The following CFAP61 variants were observed in gnomAD, a reference collection of about 807,000 sequenced individuals.
CFAP61 encodes cilia- and flagella-associated protein 61.
Under a neutral mutation model 135.6 loss-of-function variants are expected in CFAP61, and 107 were observed. The observed-to-expected ratio is 0.79, with a 90% CI of 0.67 to 0.93. CFAP61 has a LOEUF of 0.93. CFAP61 is among the 40% of genes least tolerant of loss of function. CFAP61 has a pLI of 0.00. For missense variants in CFAP61, 1,507 were observed against 1,556.2 expected, an observed-to-expected ratio of 0.97 and a Z score of 0.53; for synonymous variants, 575 against 578.5, an observed-to-expected ratio of 0.99 and a Z score of 0.09.
chr20:20,315,462 G>A (rs1416803095), intron 25 of CFAP61, among the ~76,000 whole-genome samples: 3 of 152,148 alleles, frequency 2.0e-5, no homozygotes, highest in Non-Finnish European at 2.9e-5. Context: ...AGTAGGTTGC[G>A]AAAATTTTCT....
intron 8 of CFAP61, among the ~76,000 whole-genome samples, chr20:20,120,404 ATTGT>A (rs1186065472): frequency 6.6e-6 from 1 of 152,040 alleles, no homozygotes; most frequent in African/African-American, 2.4e-5. Context: ...ATTGAAAATG[ATTGT>A]TTAATTTCTA....
intron 21 of CFAP61, among the ~76,000 whole-genome samples, chr20:20,272,683 G>C (rs1260544882): frequency 6.6e-6 from 1 of 152,162 alleles, no homozygotes; most frequent in African/African-American, 2.4e-5. Flanking sequence ...CCCAGCAGCT[G>C]CTTTCTCTCA....
intron 2 of CFAP61, among the ~76,000 whole-genome samples, chr20:20,058,030 G>A (rs2044512221): frequency 6.6e-6 from 1 of 152,058 alleles, no homozygotes; most frequent in Non-Finnish European, 1.5e-5. Flanking sequence ...GCTCGACCCT[G>A]TTCCGCATTA....
chr20:20,204,589 C>A (rs1195219278), intron 17 of CFAP61, among the ~76,000 whole-genome samples: 2 of 152,216 alleles, frequency 1.3e-5, no homozygotes, highest in Non-Finnish European at 1.5e-5. Context: ...CTCCCAGCAC[C>A]TGCTAGATTT....
chr20:20,103,932 T>G (rs2048196550), intron 8 of CFAP61, among the ~76,000 whole-genome samples: 1 of 152,216 alleles, frequency 6.6e-6, no homozygotes, highest in African/African-American at 2.4e-5. Context: ...AAAACAAAAC[T>G]TTTGTTCCTC....
chr20:20,309,294 G>A (rs1159358697), intron 25 of CFAP61, among the ~76,000 whole-genome samples: 5 of 152,062 alleles, frequency 3.3e-5, no homozygotes, highest in African/African-American at 7.3e-5. Context: ...TTCAAAAGCC[G>A]AGTAGAATAT....
rs2059389229 is a variant in CFAP61, at chr20:20,359,346, TTTTTTTATTTTTAAA to T, written c.3514-857_3514-843del. Among the ~76,000 whole-genome samples, 1 of 152,070 alleles carries T rather than the reference TTTTTTTATTTTTAAA, an allele frequency of 6.6e-6. No individual in the cohort carries two copies. Among genetic ancestry groups the T allele is most frequent in the Middle Eastern group, 3.4e-3 (1 of 294 alleles). On this transcript the variant is annotated intron_variant, in intron 26 of 26. Transcript: ENST00000245957. The surrounding 1 kb of genome is among the most constrained non-coding windows in gnomAD (Gnocchi z 4.0). ...CAAGTAAAAAGGTTTAATCACTCCTTTTTTTTATTTTTAAATTTTTTTATTTTTAAAACAGAGGCA... is the reference window on the plus strand; with the variant it reads ...CAAGTAAAAAGGTTTAATCACTCCTTTTTTTTTATTTTTAAAACAGAGGCA...
At chr20:20,290,486 G>T (rs2054920477) in intron 24 of CFAP61, 95 bp downstream of exon 24, 9 of 828,348 alleles carry the variant, frequency 1.1e-5, no homozygotes, top group South Asian at 9.1e-5. Flanking sequence ...ACTGTAATGT[G>T]TTGGTTCACA....
At chr20:20,201,319 C>T (rs1006763298) in intron 17 of CFAP61, among the ~76,000 whole-genome samples, 27 of 152,340 alleles carry the variant, frequency 1.8e-4, no homozygotes, top group Admixed American at 5.2e-4. Context: ...GGAATGCCCA[C>T]GCACTCAGCA....
At chr20:20,070,806 C>T (rs1299370795) in intron 2 of CFAP61, 48 bp from the exon 3 acceptor site, 1 of 1,577,932 alleles carries the variant, frequency 6.3e-7, no homozygotes, top group African/African-American at 1.3e-5. Flanking sequence ...GTCCTCACCT[C>T]ACTTTTTGTA....
chr20:20,132,950 A>C (rs2050655066), intron 8 of CFAP61, among the ~76,000 whole-genome samples: 1 of 152,034 alleles, frequency 6.6e-6, no homozygotes, highest in Non-Finnish European at 1.5e-5. Context: ...TAGTGTCATA[A>C]TTATTGTCTT....
In CFAP61 at chr20:20,251,656, G is replaced by C; in HGVS notation, c.2221G>C (p.Val741Leu). 6.2e-7 allele frequency: 1 copy of C among 1,614,252 alleles called. No homozygotes were observed. Among genetic ancestry groups the C allele is most frequent in the South Asian group, 1.1e-5 (1 of 91,090 alleles). ...MSLCSWVNVV[V>L]GRMTGIDRAA... ...ACTGTGCTCCTGGGTTAATGTCGTGGTGGGTAGAATGACCGGCATAGACCG... is the reference window on the plus strand; with the variant it reads ...ACTGTGCTCCTGGGTTAATGTCGTGCTGGGTAGAATGACCGGCATAGACCG... Residue 741 changes from valine to leucine, a missense_variant, in exon 20 of 27, where the codon GTG becomes CTG. Physicochemically the swap from Val to Leu is conservative, Grantham distance 32 (BLOSUM62 1). Coordinates refer to ENST00000245957, the MANE Select transcript of CFAP61 (RefSeq NM_015585.4).
intron 21 of CFAP61, among the ~76,000 whole-genome samples, chr20:20,269,211 A>G (rs2053122473): frequency 7.0e-6 from 1 of 142,656 alleles, no homozygotes; most frequent in Non-Finnish European, 1.5e-5. Context: ...ATGTATATAT[A>G]CACATATATA....
intron 8 of CFAP61, among the ~76,000 whole-genome samples, chr20:20,102,948 T>C (rs2048129646): frequency 6.6e-6 from 1 of 152,184 alleles, no homozygotes; most frequent in Non-Finnish European, 1.5e-5. Flanking sequence ...ACATGGTAAT[T>C]AGCTTACTGT....
At chr20:20,233,382 T>TGCCCTGTTCATTGCGCTGTGCAAAA (rs2049311935) in intron 18 of CFAP61, among the ~76,000 whole-genome samples, 1 of 152,204 alleles carries the variant, frequency 6.6e-6, no homozygotes, top group African/African-American at 2.4e-5. Flanking sequence ...GCCTCGCAAT[T>TGCCCTGTTCATTGCGCTGTGCAAAA]GCCCTGTTCA....
chr20:20,136,431 T>G lies in CFAP61; in HGVS notation c.860-6426T>G, dbSNP rs372608249. Among the ~76,000 whole-genome samples, 4 of 152,258 alleles carry G rather than the reference T, an allele frequency of 2.6e-5. 1 individual carries two copies. The highest frequency in any genetic ancestry group is 7.2e-5 in the African/African-American group (3 of 41,554). On this transcript the variant is annotated intron_variant, in intron 8 of 26. Transcript: ENST00000245957. ...AGCATGCTTCATTCTTTTTTATTCTTTTTTCTTTTGTCTCCTCTGACTGTT... is the reference window on the plus strand; with the variant it reads ...AGCATGCTTCATTCTTTTTTATTCTGTTTTCTTTTGTCTCCTCTGACTGTT...
intron 13 of CFAP61, among the ~76,000 whole-genome samples, chr20:20,170,496 G>A (rs529040884): frequency 2.0e-4 from 31 of 152,280 alleles, no homozygotes; most frequent in African/African-American, 7.2e-4. Flanking sequence ...ACAAAAATCA[G>A]TGTATATTTA....
At position 20,251,641 on chromosome 20, in the gene CFAP61, T is replaced by C; in HGVS notation, c.2206T>C (p.Trp736Arg). ...KDYALMSLCS[W>R]VNVVVGRMTG... ...TTATGCACTGATGTCACTGTGCTCC[T>C]GGGTTAATGTCGTGGTGGGTAGAAT... Residue 736 changes from tryptophan to arginine, a missense_variant, in exon 20 of 27, where the codon TGG (tryptophan) becomes CGG (arginine). By Grantham distance (101) the Trp-to-Arg change is moderately radical. Transcript: ENST00000245957. The C allele has an allele frequency of 1.2e-6, 2 of 1,614,242 alleles. No individual in the cohort carries two copies. The highest frequency in any genetic ancestry group is 1.7e-6 in the Non-Finnish European group (2 of 1,180,032).
At chr20:20,263,189 C>T in intron 21 of CFAP61, 59 bp downstream of exon 21, 1 of 1,283,868 alleles carries the variant, frequency 7.8e-7, no homozygotes, top group Non-Finnish European at 1.1e-6. Flanking sequence ...TATAATGAGT[C>T]TCATTCTTCA....
Sources: gnomAD v4.1 joint callset for allele counts (sites outside exome capture counted in the v4.1 genomes callset) on GRCh38, gnomAD v4.1.1 for gene constraint, Gnocchi (gnomAD v3.1) non-coding constraint, MANE v1.5 for transcripts, NCBI Gene and HGNC (gene_info 2026-07-23, HGNC 2026-07-21) for gene names.